OR9Q1: variants seen among roughly 807,000 people sequenced by gnomAD.
OR9Q1 encodes the protein olfactory receptor family 9 subfamily Q member 1.
For synonymous variants in OR9Q1, 153 were observed against 148.6 expected, an observed-to-expected ratio of 1.03 and a Z score of -0.22; for missense variants, 374 against 378.8, an observed-to-expected ratio of 0.99 and a Z score of 0.11.
rs574038843 is a variant in OR9Q1, at chr11:58,103,273, C to T, written c.-15+47326C>T. Reference sequence around the variant, plus strand: ...AAAACTATCTGATCTCATGATAATTCACTCACCATCATGAGAATAGTATGG... The same window carrying T: ...AAAACTATCTGATCTCATGATAATTTACTCACCATCATGAGAATAGTATGG... On this transcript the variant is annotated intron_variant, in intron 2 of 2. Coordinates refer to ENST00000335397, the MANE Select transcript of OR9Q1 (RefSeq NM_001005212.4). Among the ~76,000 whole-genome samples, 5 of 152,202 alleles carry T rather than the reference C, an allele frequency of 3.3e-5. No individual in the cohort carries two copies. In the East Asian group the frequency reaches 9.7e-4, roughly 29 times the overall value.
chr11:58,151,952 G>T (rs1251430675), intron 2 of OR9Q1, among the ~76,000 whole-genome samples: 1 of 152,146 alleles, frequency 6.6e-6, no homozygotes, highest in Non-Finnish European at 1.5e-5. Context: ...AGTTCAGATT[G>T]CATGTTTATA....
intron 2 of OR9Q1, among the ~76,000 whole-genome samples, chr11:58,156,137 T>C (rs1288775576): frequency 6.6e-6 from 1 of 152,192 alleles, no homozygotes; most frequent in African/African-American, 2.4e-5. Flanking sequence ...AGTTTTGAAC[T>C]GCTGACCTCA....
At chr11:58,143,050 T>C (rs1308378059) in intron 2 of OR9Q1, among the ~76,000 whole-genome samples, 1 of 152,180 alleles carries the variant, frequency 6.6e-6, no homozygotes, top group African/African-American at 2.4e-5. Context: ...CCATTGTGCA[T>C]ATATGCACAT....
At chr11:58,115,974 G>A (rs1251234646) in intron 2 of OR9Q1, among the ~76,000 whole-genome samples, 2 of 152,058 alleles carry the variant, frequency 1.3e-5, no homozygotes, top group Non-Finnish European at 2.9e-5. Context: ...TGTCATATGT[G>A]TATATATCCC....
chr11:58,068,893 C>T (rs1053661725), intron 2 of OR9Q1, among the ~76,000 whole-genome samples: 4 of 152,102 alleles, frequency 2.6e-5, no homozygotes, highest in Non-Finnish European at 5.9e-5. Flanking sequence ...AAGTGCAGCG[C>T]TGGAGATTCG....
intron 2 of OR9Q1, among the ~76,000 whole-genome samples, chr11:58,149,082 A>G (rs1854326372): frequency 6.6e-6 from 1 of 152,214 alleles, no homozygotes; most frequent in Non-Finnish European, 1.5e-5. Context: ...ATAAAAAATG[A>G]CAGCAAGAGC....
intron 2 of OR9Q1, among the ~76,000 whole-genome samples, chr11:58,145,718 CA>C (rs546105829): frequency 9.9e-5 from 15 of 152,236 alleles, no homozygotes; most frequent in Non-Finnish European, 1.9e-4. Context: ...TAACATGCTA[CA>C]AAATATAGAT....
chr11:58,096,448 G>T (rs910760873), intron 2 of OR9Q1, among the ~76,000 whole-genome samples: 1 of 151,986 alleles, frequency 6.6e-6, no homozygotes, highest in Admixed American at 6.6e-5. Flanking sequence ...GCCTACTTAA[G>T]CTTCGTATAA....
At chr11:58,060,351 G>C (rs550551775) in intron 2 of OR9Q1, among the ~76,000 whole-genome samples, 1 of 152,176 alleles carries the variant, frequency 6.6e-6, no homozygotes, top group Admixed American at 6.5e-5. Flanking sequence ...AAATCAAGCC[G>C]GTTATTTGCT....
At chr11:58,052,937 A>AG (rs1853280891) in intron 1 of OR9Q1, among the ~76,000 whole-genome samples, 1 of 151,842 alleles carries the variant, frequency 6.6e-6, no homozygotes, top group Non-Finnish European at 1.5e-5. Flanking sequence ...ATCATTAAAA[A>AG]GTCAGGAAAC....
intron 2 of OR9Q1, among the ~76,000 whole-genome samples, chr11:58,064,056 G>A (rs561263150): frequency 1.3e-5 from 2 of 152,198 alleles, no homozygotes; most frequent in South Asian, 4.2e-4. Flanking sequence ...TTAATCCTGG[G>A]GATTCCAGCC....
At chr11:58,139,024 A>G (rs1257315782) in intron 2 of OR9Q1, among the ~76,000 whole-genome samples, 2 of 152,160 alleles carry the variant, frequency 1.3e-5, no homozygotes, top group Non-Finnish European at 2.9e-5. Context: ...AGACAGAAAG[A>G]CAAAGCAGGG....
At chr11:58,047,079 T>C (rs1270675443) in intron 1 of OR9Q1, among the ~76,000 whole-genome samples, 3 of 152,224 alleles carry the variant, frequency 2.0e-5, no homozygotes, top group Admixed American at 6.5e-5. Flanking sequence ...TTGACAATTG[T>C]ATCTAATTTG....
At chr11:58,177,898 T>C (rs142988556) in intron 2 of OR9Q1, among the ~76,000 whole-genome samples, 2 of 152,246 alleles carry the variant, frequency 1.3e-5, no homozygotes, top group East Asian at 3.9e-4. Flanking sequence ...AACTTTCCTG[T>C]AGAAAGTGCG....
rs764711025 is a variant in OR9Q1, at chr11:58,179,810, C to T, written c.366C>T (p.Arg122=). The T allele has an allele frequency of 1.2e-6, 2 of 1,614,116 alleles. No individual in the cohort carries two copies. The highest frequency in any genetic ancestry group is 1.7e-5 in the Admixed American group (1 of 60,010). The change falls in exon 3 of 3, where the codon CGC becomes CGT. Residue 122 remains arginine, a synonymous_variant. Transcript: ENST00000335397. The part of the protein sequence containing the change: ...CYLLALMAYD[R]YLAVCQPLLY... The stretch of plus-strand genomic sequence containing the variant: ...TCTTGGCCCTCATGGCCTATGACCG[C>T]TACTTGGCTGTGTGCCAGCCCCTGC...
intron 2 of OR9Q1, among the ~76,000 whole-genome samples, chr11:58,064,672 T>A (rs1328051257): frequency 6.6e-6 from 1 of 152,072 alleles, no homozygotes; most frequent in Non-Finnish European, 1.5e-5. Context: ...GGGCAGCCCC[T>A]TCTGCCTCAG....
chr11:58,173,598 A>G (rs1854576617), intron 2 of OR9Q1, among the ~76,000 whole-genome samples: 1 of 151,896 alleles, frequency 6.6e-6, no homozygotes, highest in Admixed American at 6.6e-5. Context: ...GGTATTTTCT[A>G]AGAGCCACAG....
chr11:58,085,595 T>C (rs1853626663), intron 2 of OR9Q1, among the ~76,000 whole-genome samples: 1 of 151,880 alleles, frequency 6.6e-6, no homozygotes. Context: ...CTCTCTATTC[T>C]ATGCTTCTAT....
chr11:58,067,148 C>G (rs1211160536), intron 2 of OR9Q1, among the ~76,000 whole-genome samples: 2 of 152,130 alleles, frequency 1.3e-5, no homozygotes, highest in Middle Eastern at 3.4e-3. Flanking sequence ...TCTCCTGCCT[C>G]AGCCTCCCGA....
Sources: gnomAD v4.1 joint callset for allele counts (sites outside exome capture counted in the v4.1 genomes callset) on GRCh38, gnomAD v4.1.1 for gene constraint, MANE v1.5 for transcripts, NCBI Gene and HGNC (gene_info 2026-07-23, HGNC 2026-07-21) for gene names.